The following MIPEP variants were observed in gnomAD, a reference collection of about 807,000 sequenced individuals.
The protein encoded by MIPEP is mitochondrial intermediate peptidase.
MIPEP carries 79 observed loss-of-function variants against 90.3 expected under a neutral mutation model. That is an observed-to-expected ratio of 0.87 (90% CI 0.73 to 1.05). The LOEUF is 1.05. Ranked by LOEUF, MIPEP falls within the 50% of genes least tolerant of loss-of-function variation. MIPEP has a pLI of 0.00. For synonymous variants in MIPEP, 334 were observed against 315.8 expected, an observed-to-expected ratio of 1.06 and a Z score of -0.61; for missense variants, 940 against 905.6, an observed-to-expected ratio of 1.04 and a Z score of -0.49.
chr13:23,837,401 A>G (rs1869101416), intron 13 of MIPEP, 151 bp downstream of exon 13: 8 of 590,006 alleles, frequency 1.4e-5, no homozygotes, highest in Non-Finnish European at 2.1e-5. Flanking sequence ...CTGCACAACC[A>G]TGGGGAGGGC....
intron 16 of MIPEP, chr13:23,766,040 T>C (rs1259276297): frequency 6.6e-6 from 1 of 152,230 alleles, no homozygotes; most frequent in Non-Finnish European, 1.5e-5. Context: ...GGAATAATCC[T>C]ATTCATTATT....
rs532220454 is a variant in MIPEP, at chr13:23,878,916, T to TGTAG, written c.539+348_539+351dup. ...GAGCACTGACCACATGCCATGAATG[T>TGTAG]GTAGGTACTGAGGATGCAGCTGGGA... On this transcript the variant is annotated intron_variant, in intron 4 of 18. Transcript: ENST00000382172. Among the ~76,000 whole-genome samples, 43 of 152,304 alleles carry TGTAG rather than the reference T, an allele frequency of 2.8e-4. No individual in the cohort carries two copies. The South Asian group carries it at 8.5e-3, about 30-fold the overall frequency.
chr13:23,882,728 T>G (rs1871319044), intron 2 of MIPEP, among the ~76,000 whole-genome samples: 2 of 152,220 alleles, frequency 1.3e-5, no homozygotes, highest in Non-Finnish European at 2.9e-5. Flanking sequence ...TTTCTTAATT[T>G]TATTATCAAA....
At chr13:23,837,825 T>C (rs1325377361) in intron 12 of MIPEP, 69 bp from the exon 13 acceptor site, 13 of 1,257,356 alleles carry the variant, frequency 1.0e-5, no homozygotes, top group Non-Finnish European at 1.5e-5. Flanking sequence ...ACAGTCTTAA[T>C]GAATATAAAA....
At chr13:23,751,170 T>C (rs910338915) in intron 18 of MIPEP, among the ~76,000 whole-genome samples, 3 of 152,352 alleles carry the variant, frequency 2.0e-5, no homozygotes, top group South Asian at 4.1e-4. Context: ...TCTTGGAGCA[T>C]GGAGGTGATT....
chr13:23,830,673 G>C (rs1868695908), intron 14 of MIPEP, among the ~76,000 whole-genome samples: 1 of 152,162 alleles, frequency 6.6e-6, no homozygotes, highest in African/African-American at 2.4e-5. Context: ...TAGTAATATT[G>C]TTTTTTCCTA....
chr13:23,841,474 G>C lies in MIPEP; in HGVS notation c.1121C>G (p.Pro374Arg), dbSNP rs777888465. Residue 374 changes from proline (P) to arginine (R), a missense_variant, in exon 11 of 19, where the codon CCC (proline) becomes CGC (arginine). Pro to Arg is a moderately radical substitution (Grantham distance 103). Transcript: ENST00000382172. ...AGAGAAAAACGGGCAATATAGGCTG[G>C]GCTCAATATTATACCTAAGAGAAGG... Reference protein sequence around the residue: ...VIRAERYNIEPSLYCPFFSLG... With the variant: ...VIRAERYNIERSLYCPFFSLG... 4 of 1,611,192 alleles carry C rather than the reference G, an allele frequency of 2.5e-6. No homozygotes were observed. The South Asian group carries it at 4.4e-5, about 18-fold the overall frequency.
At chr13:23,818,084 C>T (rs1347475800) in intron 14 of MIPEP, among the ~76,000 whole-genome samples, 1 of 149,326 alleles carries the variant, frequency 6.7e-6, no homozygotes, top group East Asian at 1.9e-4. Context: ...TTGCAGTGAG[C>T]TAAGCAGCGT....
intron 10 of MIPEP, among the ~76,000 whole-genome samples, chr13:23,855,946 T>C (rs971509423): frequency 6.6e-6 from 1 of 152,214 alleles, no homozygotes; most frequent in African/African-American, 2.4e-5. Context: ...AAACATGTCA[T>C]GCAAAAACAT....
intron 10 of MIPEP, among the ~76,000 whole-genome samples, chr13:23,844,995 AC>A (rs1485392373): frequency 1.3e-5 from 2 of 152,066 alleles, no homozygotes; most frequent in Non-Finnish European, 2.9e-5. Flanking sequence ...CACTATGCCC[AC>A]CCCCAGAGGT....
intron 10 of MIPEP, among the ~76,000 whole-genome samples, chr13:23,846,067 T>C (rs1426691168): frequency 2.0e-5 from 3 of 152,060 alleles, no homozygotes; most frequent in South Asian, 2.1e-4. Flanking sequence ...CGGGCCTCTA[T>C]TGGTTTTAAA....
intron 18 of MIPEP, among the ~76,000 whole-genome samples, chr13:23,740,899 G>GT (rs1229102388): frequency 6.6e-6 from 1 of 152,208 alleles, no homozygotes; most frequent in Non-Finnish European, 1.5e-5. Flanking sequence ...GGGGAAGGAA[G>GT]TATCGCTGCT....
intron 18 of MIPEP, among the ~76,000 whole-genome samples, chr13:23,754,840 T>C (rs1251898419): frequency 2.0e-5 from 3 of 152,160 alleles, no homozygotes; most frequent in African/African-American, 7.2e-5. Context: ...ACCCAATCAG[T>C]AGCTTATTAT....
At chr13:23,740,311 G>A (rs552376886) in intron 18 of MIPEP, among the ~76,000 whole-genome samples, 1 of 152,176 alleles carries the variant, frequency 6.6e-6, no homozygotes, top group East Asian at 1.9e-4. Context: ...GTCTATGGCT[G>A]GCTGGAGCTG....
At chr13:23,733,026 C>T (rs1337495207) in intron 18 of MIPEP, among the ~76,000 whole-genome samples, 1 of 152,006 alleles carries the variant, frequency 6.6e-6, no homozygotes, top group Non-Finnish European at 1.5e-5. Flanking sequence ...AAACATAAGG[C>T]CAGATACGGA....
chr13:23,779,469 G>A (rs573748458), intron 16 of MIPEP, among the ~76,000 whole-genome samples: 1 of 149,372 alleles, frequency 6.7e-6, no homozygotes, highest in African/African-American at 2.5e-5. Flanking sequence ...AAAGGTGTAT[G>A]GGGGGGGCAG....
At chr13:23,751,584 T>A (rs1565981500) in intron 18 of MIPEP, among the ~76,000 whole-genome samples, 1 of 152,254 alleles carries the variant, frequency 6.6e-6, no homozygotes, top group Non-Finnish European at 1.5e-5. Context: ...ATAAAGTTGT[T>A]TAATATTTAC....
intron 16 of MIPEP, among the ~76,000 whole-genome samples, chr13:23,779,370 T>A (rs1220996375): frequency 6.6e-6 from 1 of 152,192 alleles, no homozygotes; most frequent in East Asian, 1.9e-4. Context: ...AGTAACTTCC[T>A]TATGTATCAG....
intron 18 of MIPEP, among the ~76,000 whole-genome samples, chr13:23,735,553 C>T (rs1158205143): frequency 6.6e-6 from 1 of 152,066 alleles, no homozygotes; most frequent in Non-Finnish European, 1.5e-5. Context: ...ACCTTGCTCT[C>T]TCCTTCCCAG....
Sources: gnomAD v4.1 joint callset for allele counts (sites outside exome capture counted in the v4.1 genomes callset) on GRCh38, gnomAD v4.1.1 for gene constraint, MANE v1.5 for transcripts, NCBI Gene and HGNC (gene_info 2026-07-23, HGNC 2026-07-21) for gene names.